Variants in GABRB1 observed in about 807,000 individuals in gnomAD.
The protein encoded by GABRB1 is gamma-aminobutyric acid type A receptor subunit beta1, also known as gamma-aminobutyric acid receptor subunit beta-1.
A neutral mutation model predicts 51.6 loss-of-function variants in GABRB1; 17 were observed. The ratio of observed to expected loss-of-function variants is 0.33; its 90% CI spans 0.23 to 0.49. The LOEUF is 0.49. Among genes scored for constraint, GABRB1 ranks in the 20% least tolerant of loss-of-function variants. GABRB1 has a pLI of 0.99. For synonymous variants in GABRB1, 247 were observed against 218.9 expected (o/e 1.13, Z -1.14); for missense variants, 410 against 600.6 (o/e 0.68, Z 3.32).
chr4:47,152,427 G>A (rs1490274552), intron 3 of GABRB1, among the ~76,000 whole-genome samples: 2 of 151,982 alleles, frequency 1.3e-5, no homozygotes, highest in Non-Finnish European at 2.9e-5. Flanking sequence ...TAGGGTAAGT[G>A]CTGCAATCAA....
chr4:47,366,363 T>C (rs2110014474), intron 5 of GABRB1, among the ~76,000 whole-genome samples: 1 of 152,314 alleles, frequency 6.6e-6, no homozygotes, highest in African/African-American at 2.4e-5. Context: ...AAGCATGAAT[T>C]ATTCCAAACA....
At position 47,288,055 on chromosome 4, in the gene GABRB1, A is replaced by T. The variant is rs111360770; in HGVS notation, c.462-32072A>T. 4.3e-3 allele frequency among the ~76,000 whole-genome samples: 656 copies of T among 152,194 alleles called. 1 individual carries two copies. The highest frequency in any genetic ancestry group is 6.7e-3 in the Non-Finnish European group (455 of 68,006). On this transcript the variant is annotated intron_variant, in intron 4 of 8. Coordinates refer to ENST00000295454, the MANE Select transcript of GABRB1 (RefSeq NM_000812.4). ...TCAAGCCCAGTTTGTTGGCTCGCAA[A>T]ATCTGTGAAATAACGCATTTGTTGT...
intron 5 of GABRB1, among the ~76,000 whole-genome samples, chr4:47,362,156 G>A (rs1432955270): frequency 3.3e-5 from 5 of 152,112 alleles, no homozygotes; most frequent in Admixed American, 6.5e-5. Flanking sequence ...GTTACAAGAA[G>A]GATGGCAAGG....
intron 5 of GABRB1, among the ~76,000 whole-genome samples, chr4:47,333,361 A>G (rs1038738297): frequency 5.3e-5 from 8 of 151,776 alleles, no homozygotes; most frequent in African/African-American, 1.7e-4. Context: ...ATTCTCTGCC[A>G]TGTAAAAGAA....
intron 5 of GABRB1, among the ~76,000 whole-genome samples, chr4:47,352,722 C>A (rs1289418120): frequency 6.6e-6 from 1 of 152,086 alleles, no homozygotes; most frequent in Non-Finnish European, 1.5e-5. Context: ...TTACCTATTG[C>A]CTGATTGGCA....
At chr4:47,344,151 C>G (rs1370914656) in intron 5 of GABRB1, among the ~76,000 whole-genome samples, 2 of 152,158 alleles carry the variant, frequency 1.3e-5, no homozygotes, top group African/African-American at 4.8e-5. Context: ...ACCCTGTCTT[C>G]TAATTCTGGA....
intron 4 of GABRB1, among the ~76,000 whole-genome samples, chr4:47,177,149 G>A (rs1327193449): frequency 1.3e-5 from 2 of 152,084 alleles, no homozygotes; most frequent in African/African-American, 2.4e-5. Context: ...GAACACAACT[G>A]AAATGGCAAA....
At chr4:47,401,574 C>T (rs1391545367) in intron 5 of GABRB1, among the ~76,000 whole-genome samples, 1 of 152,174 alleles carries the variant, frequency 6.6e-6, no homozygotes, top group Non-Finnish European at 1.5e-5. Context: ...TCCCATGATG[C>T]CATTGTCCAC....
chr4:47,144,095 A>C (rs1394867330), intron 3 of GABRB1, among the ~76,000 whole-genome samples: 1 of 151,992 alleles, frequency 6.6e-6, no homozygotes, highest in Non-Finnish European at 1.5e-5. Context: ...CAGGACCAAA[A>C]ATTCAAGAAT....
At chr4:47,295,626 G>A (rs537131141) in intron 4 of GABRB1, among the ~76,000 whole-genome samples, 107 of 152,322 alleles carry the variant, frequency 7.0e-4, no homozygotes, top group African/African-American at 2.0e-3. Flanking sequence ...CCAAATCTAC[G>A]TCTGACTGGT....
intron 3 of GABRB1, among the ~76,000 whole-genome samples, chr4:47,072,424 A>G (rs574705903): frequency 2.6e-5 from 4 of 152,280 alleles, no homozygotes; most frequent in Middle Eastern, 3.4e-3. Context: ...TTTTAGTAGT[A>G]ATTCTTCAAG....
intron 3 of GABRB1, among the ~76,000 whole-genome samples, chr4:47,056,666 A>G (rs1025882686): frequency 2.0e-5 from 3 of 152,168 alleles, no homozygotes; most frequent in African/African-American, 7.2e-5. Flanking sequence ...TCAAAAATTA[A>G]CTCACAGAAG....
At chr4:47,403,258 G>C in intron 5 of GABRB1, 60 bp from the exon 6 acceptor site, 6 of 1,588,842 alleles carry the variant, frequency 3.8e-6, no homozygotes, top group Non-Finnish European at 5.2e-6. Context: ...CTAGCTCCCA[G>C]ATGGTATTCA....
chr4:47,217,397 G>A (rs1428564665), intron 4 of GABRB1, among the ~76,000 whole-genome samples: 2 of 151,700 alleles, frequency 1.3e-5, no homozygotes, highest in African/African-American at 4.8e-5. Context: ...ACAGAACCCT[G>A]TACTCTATTT....
chr4:47,032,157 C>A, intron 2 of GABRB1, 152 bp downstream of exon 2: 1 of 686,496 alleles, frequency 1.5e-6, no homozygotes, highest in Non-Finnish European at 2.4e-6. Context: ...CACACACACA[C>A]ACACCCCGGG....
intron 3 of GABRB1, among the ~76,000 whole-genome samples, chr4:47,041,884 C>T (rs182107220): frequency 6.6e-6 from 1 of 152,136 alleles, no homozygotes; most frequent in African/African-American, 2.4e-5. Context: ...CCAAATGCCT[C>T]TAGGTCTACT....
At position 47,045,236 on chromosome 4, in the gene GABRB1, C is replaced by T. The variant is rs528488343; in HGVS notation, c.240+12752C>T. Reference sequence around the variant, plus strand: ...CCCATGGACAACAAGTGTAAAACAACACTTTCCTAGGAAACCCAGGATTTA... The same window carrying T: ...CCCATGGACAACAAGTGTAAAACAATACTTTCCTAGGAAACCCAGGATTTA... On this transcript the variant is annotated intron_variant, in intron 3 of 8. Transcript: ENST00000295454. Among the ~76,000 whole-genome samples, 3 of 152,148 alleles carry T rather than the reference C, an allele frequency of 2.0e-5. No homozygotes were observed. The South Asian group carries it at 6.2e-4, about 32-fold the overall frequency.
chr4:47,340,939 C>A (rs1259174150), intron 5 of GABRB1, among the ~76,000 whole-genome samples: 1 of 152,140 alleles, frequency 6.6e-6, no homozygotes, highest in African/African-American at 2.4e-5. Context: ...GAAGCATAAC[C>A]TGGGATCTTA....
chr4:47,266,295 T>C (rs1311071432), intron 4 of GABRB1, among the ~76,000 whole-genome samples: 1 of 152,174 alleles, frequency 6.6e-6, no homozygotes, highest in Non-Finnish European at 1.5e-5. Flanking sequence ...TATAATTTTA[T>C]AGCAGTACCA....
Sources: gnomAD v4.1 joint callset for allele counts (sites outside exome capture counted in the v4.1 genomes callset) on GRCh38, gnomAD v4.1.1 for gene constraint, MANE v1.5 for transcripts, NCBI Gene and HGNC (gene_info 2026-07-23, HGNC 2026-07-21) for gene names.